The following GPBP1 variants were observed in gnomAD, a reference collection of about 807,000 sequenced individuals.
GPBP1 encodes the protein vasculin.
A neutral mutation model predicts 56.5 loss-of-function variants in GPBP1; 13 were observed. The ratio of observed to expected loss-of-function variants is 0.23; its 90% CI spans 0.15 to 0.37. GPBP1 has a LOEUF of 0.37. Ranked by LOEUF, GPBP1 falls within the 10% of genes least tolerant of loss-of-function variation. GPBP1 has a pLI of 1.00. For synonymous variants in GPBP1, 204 were observed against 188.9 expected, an observed-to-expected ratio of 1.08 and a Z score of -0.66; for missense variants, 477 against 572.3, an observed-to-expected ratio of 0.83 and a Z score of 1.70.
At chr5:57,256,226 G>C (rs561838718) in intron 10 of GPBP1, among the ~76,000 whole-genome samples, 4 of 152,126 alleles carry the variant, frequency 2.6e-5, no homozygotes, top group African/African-American at 9.6e-5. Flanking sequence ...CTGAACTCTA[G>C]CCTGGACGGC....
intron 2 of GPBP1, among the ~76,000 whole-genome samples, chr5:57,191,577 G>A (rs899852835): frequency 7.8e-5 from 11 of 140,550 alleles, no homozygotes; most frequent in Admixed American, 7.8e-4. Flanking sequence ...TTTTTTGTTT[G>A]TTTGAGACCG....
intron 10 of GPBP1, among the ~76,000 whole-genome samples, 161 bp downstream of exon 10, chr5:57,251,302 C>T (rs1561375011): frequency 6.6e-6 from 1 of 152,164 alleles, no homozygotes; most frequent in Non-Finnish European, 1.5e-5. Context: ...CAAAGTAGCC[C>T]TTTGTTCACT....
At chr5:57,260,795 T>C (rs1202842972) in intron 10 of GPBP1, among the ~76,000 whole-genome samples, 1 of 152,192 alleles carries the variant, frequency 6.6e-6, no homozygotes, top group East Asian at 1.9e-4. Flanking sequence ...GCAGTGTTCA[T>C]GACTGCCCAA....
chr5:57,187,672 A>T (rs896915806), intron 2 of GPBP1, among the ~76,000 whole-genome samples: 1 of 152,144 alleles, frequency 6.6e-6, no homozygotes, highest in South Asian at 2.1e-4. Flanking sequence ...TTGCTCTATA[A>T]AATAGTGCCT....
intron 5 of GPBP1, 55 bp downstream of exon 5, chr5:57,231,376 T>A: frequency 7.2e-7 from 1 of 1,380,852 alleles, no homozygotes; most frequent in Non-Finnish European, 1.0e-6. Context: ...CTATTTTAAG[T>A]GATTCTCCTG....
chr5:57,218,181 G>A (rs993846000), intron 3 of GPBP1, among the ~76,000 whole-genome samples: 3 of 152,024 alleles, frequency 2.0e-5, no homozygotes, highest in African/African-American at 7.2e-5. Context: ...ACACTACCTG[G>A]GTATCCTATA....
At chr5:57,252,604 G>T (rs1231379917) in intron 10 of GPBP1, among the ~76,000 whole-genome samples, 1 of 152,052 alleles carries the variant, frequency 6.6e-6, no homozygotes, top group African/African-American at 2.4e-5. Context: ...TGTTGCGTAG[G>T]CTAGTCTCAA....
At position 57,258,212 on chromosome 5, in the gene GPBP1, GA is replaced by G. The variant is rs544257012; in HGVS notation, c.1161-2963del. ...GAGAGTGGGAAGGAATAATTGAAAT[GA>G]AAAAGCAAAGTACAGATAAGGGTTA... On this transcript the variant is annotated intron_variant, in intron 10 of 11. Transcript: ENST00000506184. 3.3e-5 allele frequency among the ~76,000 whole-genome samples: 5 copies of G among 152,292 alleles called. No homozygotes were observed. In the South Asian group the frequency reaches 1.0e-3, roughly 32 times the overall value.
chr5:57,195,505 G>C (rs1478788888), intron 2 of GPBP1, among the ~76,000 whole-genome samples: 1 of 152,006 alleles, frequency 6.6e-6, no homozygotes, highest in East Asian at 1.9e-4. Flanking sequence ...ATTAGCCTGG[G>C]ACATGCAAAT....
chr5:57,200,145 TC>T (rs1403188220), intron 2 of GPBP1, among the ~76,000 whole-genome samples: 1 of 39,708 alleles, frequency 2.5e-5, no homozygotes, highest in Non-Finnish European at 5.2e-5. Flanking sequence ...GCCCCTCCCC[TC>T]CCCTGCTTCC....
intron 3 of GPBP1, among the ~76,000 whole-genome samples, chr5:57,226,114 A>G (rs1479373391): frequency 6.6e-6 from 1 of 152,186 alleles, no homozygotes; most frequent in Admixed American, 6.5e-5. Flanking sequence ...ATGTGAGAGA[A>G]TGAGATACAG....
chr5:57,259,102 C>T (rs934939749), intron 10 of GPBP1, among the ~76,000 whole-genome samples: 7 of 152,192 alleles, frequency 4.6e-5, no homozygotes, highest in East Asian at 1.9e-4. Flanking sequence ...TGGAAGAAGT[C>T]GTGGCTAAAA....
intron 2 of GPBP1, among the ~76,000 whole-genome samples, chr5:57,197,096 T>G (rs1754798052): frequency 6.6e-6 from 1 of 152,078 alleles, no homozygotes; most frequent in African/African-American, 2.4e-5. Flanking sequence ...TGAATTTTAG[T>G]AGAGACAGCG....
intron 2 of GPBP1, among the ~76,000 whole-genome samples, chr5:57,193,958 G>A (rs907187325): frequency 3.9e-5 from 6 of 152,146 alleles, no homozygotes; most frequent in Admixed American, 2.6e-4. Flanking sequence ...TCCCCTCTGC[G>A]GAAACCACTG....
chr5:57,225,769 C>T lies in GPBP1; in HGVS notation c.64-5077C>T, dbSNP rs1295923643. 2.0e-5 allele frequency among the ~76,000 whole-genome samples: 3 copies of T among 152,158 alleles called. No homozygotes were observed. The East Asian group carries it at 5.8e-4, about 29-fold the overall frequency. On this transcript the variant is annotated intron_variant, in intron 3 of 11. Transcript: ENST00000506184. ...GCAGCTGGAGGAGATGACACTGACA[C>T]ACTGCTAGATTTGTCACCTCTGTCC... is the stretch of plus-strand genomic sequence containing the variant.
chr5:57,243,915 C>G (rs1352511706), intron 6 of GPBP1, among the ~76,000 whole-genome samples: 1 of 151,948 alleles, frequency 6.6e-6, no homozygotes, highest in Admixed American at 6.6e-5. Context: ...TCTTGGACTC[C>G]TGGACTCAAG....
intron 2 of GPBP1, among the ~76,000 whole-genome samples, chr5:57,198,817 ATATT>A (rs1368128034): frequency 6.6e-6 from 1 of 152,122 alleles, no homozygotes; most frequent in East Asian, 1.9e-4. Context: ...ACTGTCTCAA[ATATT>A]TATTAGTAAT....
intron 11 of GPBP1, among the ~76,000 whole-genome samples, chr5:57,261,987 T>G (rs933795628): frequency 6.6e-6 from 1 of 152,194 alleles, no homozygotes; most frequent in African/African-American, 2.4e-5. Flanking sequence ...GCTCAAGCAA[T>G]ACTCTTGCCT....
intron 2 of GPBP1, among the ~76,000 whole-genome samples, chr5:57,184,011 C>G (rs1286481471): frequency 6.6e-6 from 1 of 151,944 alleles, no homozygotes; most frequent in African/African-American, 2.4e-5. Context: ...GCTGGTGGAT[C>G]GCTTGAACCC....
Sources: allele counts gnomAD v4.1 joint callset (sites outside exome capture counted in the v4.1 genomes callset), GRCh38; gene constraint gnomAD v4.1.1; transcripts MANE v1.5; gene names NCBI Gene and HGNC (gene_info 2026-07-23, HGNC 2026-07-21).